The following ARL6IP5 variants were observed in gnomAD, a reference collection of about 807,000 sequenced individuals.
ARL6IP5 encodes the protein PRA1 family protein 3.
ARL6IP5 carries 6 observed loss-of-function variants against 13.0 expected under a neutral mutation model. That is an observed-to-expected ratio of 0.46 (90% CI 0.25 to 0.91). ARL6IP5 has a LOEUF of 0.91. Ranked by LOEUF, ARL6IP5 falls within the 40% of genes least tolerant of loss-of-function variation. The pLI is 0.17. For missense variants in ARL6IP5, 208 were observed against 248.8 expected (o/e 0.84, Z 1.10); for synonymous variants, 91 against 91.9 (o/e 0.99, Z 0.06).
intron 2 of ARL6IP5, among the ~76,000 whole-genome samples, chr3:69,103,229 G>A (rs192894300): frequency 3.3e-5 from 5 of 152,296 alleles, no homozygotes; most frequent in Admixed American, 3.3e-4. Flanking sequence ...TAATCAAACA[G>A]CTTGCTAATT....
intron 1 of ARL6IP5, among the ~76,000 whole-genome samples, chr3:69,098,090 T>C (rs963029601): frequency 2.6e-5 from 4 of 151,920 alleles, no homozygotes; most frequent in Non-Finnish European, 4.4e-5. Flanking sequence ...TTTCTTTTTT[T>C]TTTGGAAACA....
At chr3:69,101,690 T>G (rs1420188872) in intron 1 of ARL6IP5, 149 bp from the exon 2 acceptor site, 4 of 724,936 alleles carry the variant, frequency 5.5e-6, no homozygotes, top group African/African-American at 5.4e-5. Flanking sequence ...GTATCTCCTT[T>G]ATAAGGTTAT....
Position 69,104,559 on chromosome 3 carries a change from A to G in ARL6IP5, c.490A>G (p.Ile164Val), listed in dbSNP as rs763060343. Reference protein sequence around the residue: ...GIGLKRTPMGIVLDALEQQEE... With the variant: ...GIGLKRTPMGVVLDALEQQEE... Reference sequence around the variant, plus strand: ...AGGTTTGAAGAGGACACCGATGGGCATTGTCCTGGATGCCCTAGAACAGCA... The same window carrying G: ...AGGTTTGAAGAGGACACCGATGGGCGTTGTCCTGGATGCCCTAGAACAGCA... Residue 164 changes from isoleucine (I) to valine (V), a missense_variant, in exon 3 of 3, where the codon ATT becomes GTT. Physicochemically the swap from Ile to Val is conservative, Grantham distance 29. Transcript: ENST00000273258. 5.0e-6 allele frequency: 8 copies of G among 1,614,098 alleles called. No individual in the cohort carries two copies. The Admixed American group carries it at 1.3e-4, about 27-fold the overall frequency.
intron 1 of ARL6IP5, among the ~76,000 whole-genome samples, chr3:69,097,825 C>T (rs1438060720): frequency 6.6e-6 from 1 of 152,108 alleles, no homozygotes; most frequent in African/African-American, 2.4e-5. Context: ...TAGACTGGCA[C>T]AAGAGGATCT....
chr3:69,101,954 C>G lies in ARL6IP5; in HGVS notation c.292C>G (p.Pro98Ala). ...DVLRRMKKRY[P>A]TTFVMVVMLA... is the part of the protein sequence containing the mutation. The stretch of plus-strand genomic sequence containing the variant: ...CCTTCGCCGGATGAAGAAGCGCTAC[C>G]CCACGACGTTCGTTATGGTGGTCAT... The change falls in exon 2 of 3, where the codon CCC becomes GCC. Residue 98 changes from proline (P) to alanine (A), a missense_variant. Pro to Ala is a conservative substitution (Grantham distance 27). Coordinates refer to ENST00000273258, the MANE Select transcript of ARL6IP5 (RefSeq NM_006407.4). 6.2e-7 allele frequency: 1 copy of G among 1,614,074 alleles called. No homozygotes were observed. Among genetic ancestry groups the G allele is most frequent in the South Asian group, 1.1e-5 (1 of 91,068 alleles).
At chr3:69,098,945 G>A (rs915191311) in intron 1 of ARL6IP5, among the ~76,000 whole-genome samples, 5 of 151,968 alleles carry the variant, frequency 3.3e-5, no homozygotes, top group African/African-American at 9.7e-5. Context: ...CAATCTTTGC[G>A]TTTTTGTTTA....
intron 2 of ARL6IP5, among the ~76,000 whole-genome samples, chr3:69,103,495 T>G (rs537389222): frequency 6.6e-6 from 1 of 152,340 alleles, no homozygotes; most frequent in South Asian, 2.1e-4. Context: ...CATCTTTATT[T>G]TGTGGGTCAA....
At chr3:69,103,838 G>A (rs963261572) in intron 2 of ARL6IP5, among the ~76,000 whole-genome samples, 2 of 152,176 alleles carry the variant, frequency 1.3e-5, no homozygotes, top group Non-Finnish European at 2.9e-5. Context: ...AGATTCCCAG[G>A]CCTGTCTCTT....
In ARL6IP5 at chr3:69,105,219, G is replaced by T; in HGVS notation, c.*583G>T. On this transcript the variant is annotated 3_prime_UTR_variant, in exon 3 of 3. Coordinates refer to ENST00000273258, the MANE Select transcript of ARL6IP5 (RefSeq NM_006407.4). ...TTACAAATATAAAGATAGCTGTTTA[G>T]GATATTTTGTTACATTTTTGTAAAT... The T allele has an allele frequency of 4.4e-6, 1 of 225,734 alleles. No homozygotes were observed. The allele number at this position is 225,734 out of a possible 1,614,324, so 14.0% of individuals were successfully genotyped here.
chr3:69,101,801 AACTAGTCACCCCT>A, intron 1 of ARL6IP5, 25 bp from the exon 2 acceptor site: 1 of 1,551,340 alleles, frequency 6.4e-7, no homozygotes, highest in African/African-American at 1.4e-5. Flanking sequence ...TCTATTGCTG[AACTAGTCACCCCT>A]CATTTTTTCT....
chr3:69,090,659 C>A (rs1266016554), intron 1 of ARL6IP5, among the ~76,000 whole-genome samples: 1 of 152,182 alleles, frequency 6.6e-6, no homozygotes, highest in African/African-American at 2.4e-5. Flanking sequence ...CAGCTCAGAT[C>A]CTTCTATTCC....
chr3:69,097,692 CAGAA>C (rs1490129893), intron 1 of ARL6IP5, among the ~76,000 whole-genome samples: 2 of 152,006 alleles, frequency 1.3e-5, no homozygotes, highest in Non-Finnish European at 2.9e-5. Context: ...TAAAATAAAA[CAGAA>C]AGAAAGTGCA....
At chr3:69,096,361 A>C (rs1380981377) in intron 1 of ARL6IP5, among the ~76,000 whole-genome samples, 1 of 152,160 alleles carries the variant, frequency 6.6e-6, no homozygotes, top group Non-Finnish European at 1.5e-5. Flanking sequence ...ACTCAACCTA[A>C]ATATGTATTT....
chr3:69,102,072 T>C lies in ARL6IP5; in HGVS notation c.394+16T>C, dbSNP rs756133959. ...CCTTTGCTGTGTAAGTGAACTTGAG[T>C]TTTTTCTTCCATCATCAAAAAAATG... On this transcript the variant is annotated intron_variant, in intron 2 of 2. Coordinates refer to ENST00000273258, the MANE Select transcript of ARL6IP5 (RefSeq NM_006407.4). The C allele has an allele frequency of 6.2e-7, 1 of 1,608,586 alleles. No individual in the cohort carries two copies. Among genetic ancestry groups the C allele is most frequent in the Non-Finnish European group, 8.5e-7 (1 of 1,175,292 alleles).
intron 1 of ARL6IP5, among the ~76,000 whole-genome samples, chr3:69,097,374 A>C (rs2092290568): frequency 6.9e-6 from 1 of 145,416 alleles, no homozygotes; most frequent in Non-Finnish European, 1.5e-5. Flanking sequence ...GGGTTTCGCC[A>C]TGTTGCCTAG....
Position 69,084,971 on chromosome 3 carries a change from T to TC in ARL6IP5, c.-75dup. Reference sequence around the variant, plus strand: ...ACCGAGACGGAGCCGCTGTCAACTCTCCAACTCAGCTCAGCTGATCGGTTG... The same window carrying TC: ...ACCGAGACGGAGCCGCTGTCAACTCTCCCAACTCAGCTCAGCTGATCGGTTG... On this transcript the variant is annotated 5_prime_UTR_variant, in exon 1 of 3. Coordinates refer to ENST00000273258, the MANE Select transcript of ARL6IP5 (RefSeq NM_006407.4). The TC allele has an allele frequency of 6.4e-7, 1 of 1,557,240 alleles. No individual in the cohort carries two copies. The highest frequency in any genetic ancestry group is 8.7e-7 in the Non-Finnish European group (1 of 1,151,208).
At chr3:69,092,449 A>T (rs1230400945) in intron 1 of ARL6IP5, among the ~76,000 whole-genome samples, 1 of 152,164 alleles carries the variant, frequency 6.6e-6, no homozygotes, top group Non-Finnish European at 1.5e-5. Flanking sequence ...AGAATTTGCC[A>T]TGTGACAGTT....
intron 1 of ARL6IP5, among the ~76,000 whole-genome samples, chr3:69,087,955 A>G (rs2092253331): frequency 6.6e-6 from 1 of 152,144 alleles, no homozygotes; most frequent in Non-Finnish European, 1.5e-5. Flanking sequence ...TTTCTTTATC[A>G]TTTAATAATA....
At position 69,084,967 on chromosome 3, in the gene ARL6IP5, A is replaced by C. The variant is rs2092242774; in HGVS notation, c.-81A>C. 51 of 1,534,760 alleles carry C rather than the reference A, an allele frequency of 3.3e-5. 1 individual carries two copies. In the South Asian group the frequency reaches 5.9e-4, roughly 18 times the overall value. On this transcript the variant is annotated 5_prime_UTR_variant, in exon 1 of 3. Coordinates refer to ENST00000273258, the MANE Select transcript of ARL6IP5 (RefSeq NM_006407.4). Reference sequence around the variant, plus strand: ...GCCGACCGAGACGGAGCCGCTGTCAACTCTCCAACTCAGCTCAGCTGATCG... The same window carrying C: ...GCCGACCGAGACGGAGCCGCTGTCACCTCTCCAACTCAGCTCAGCTGATCG...
Sources: gnomAD v4.1 joint callset for allele counts (sites outside exome capture counted in the v4.1 genomes callset) on GRCh38, gnomAD v4.1.1 for gene constraint, MANE v1.5 for transcripts, NCBI Gene and HGNC (gene_info 2026-07-23, HGNC 2026-07-21) for gene names.